CDH4: variants seen among roughly 807,000 people sequenced by gnomAD.
CDH4 encodes the protein cadherin-4.
A neutral mutation model predicts 86.0 loss-of-function variants in CDH4; 33 were observed. That is an observed-to-expected ratio of 0.38 (90% CI 0.29 to 0.51). The LOEUF (loss-of-function observed/expected upper bound fraction) is 0.51. Among genes scored for constraint, CDH4 ranks in the 20% least tolerant of loss-of-function variants. The pLI is 0.86. For synonymous variants in CDH4, 555 were observed against 549.4 expected (o/e 1.01, Z -0.14); for missense variants, 1,114 against 1,307.4 (o/e 0.85, Z 2.28).
At chr20:61,735,009 G>A (rs1430752305) in intron 2 of CDH4, among the ~76,000 whole-genome samples, 1 of 152,170 alleles carries the variant, frequency 6.6e-6, no homozygotes, top group South Asian at 2.1e-4. Flanking sequence ...CCTCCCTGTG[G>A]CCCCTCCCGG....
At chr20:61,525,131 A>G (rs2085900952) in intron 2 of CDH4, among the ~76,000 whole-genome samples, 1 of 152,176 alleles carries the variant, frequency 6.6e-6, no homozygotes, top group Non-Finnish European at 1.5e-5. Context: ...GCCAGGCATG[A>G]TTCCCGGGTT....
intron 2 of CDH4, among the ~76,000 whole-genome samples, chr20:61,405,376 G>T (rs2145484259): frequency 6.6e-6 from 1 of 152,086 alleles, no homozygotes; most frequent in East Asian, 1.9e-4. Flanking sequence ...TCACCATGGT[G>T]CTGATGTTTT....
At chr20:61,563,044 C>T (rs1213279796) in intron 2 of CDH4, among the ~76,000 whole-genome samples, 1 of 152,224 alleles carries the variant, frequency 6.6e-6, no homozygotes, top group African/African-American at 2.4e-5. Context: ...AGCAACCTCT[C>T]CTGACCTGTG....
chr20:61,571,343 G>A (rs1048772563), intron 2 of CDH4, among the ~76,000 whole-genome samples: 2 of 152,158 alleles, frequency 1.3e-5, no homozygotes, highest in African/African-American at 4.8e-5. Context: ...AGAAGGACTC[G>A]CCATGAGCCG....
In CDH4 at chr20:61,480,035, C is replaced by T. The variant is rs907568049; in HGVS notation, c.169+225098C>T. On this transcript the variant is annotated intron_variant, in intron 2 of 15. Coordinates refer to ENST00000614565, the MANE Select transcript of CDH4 (RefSeq NM_001794.5). This position sits in a 1 kb window ranked among gnomAD's most constrained non-coding sequence, Gnocchi z 5.2. The stretch of plus-strand genomic sequence containing the variant: ...AGTTTTCATCTATAGAAGTCTGATT[C>T]GGGACATCTTTTGTGTCTTGATCTG... Among the ~76,000 whole-genome samples the T allele has an allele frequency of 5.3e-5, 8 of 152,052 alleles. No homozygotes were observed. Among genetic ancestry groups the T allele is most frequent in the Middle Eastern group, 3.2e-3 (1 of 316 alleles).
chr20:61,381,268 T>C (rs1265262978), intron 2 of CDH4, among the ~76,000 whole-genome samples: 1 of 152,190 alleles, frequency 6.6e-6, no homozygotes, highest in Non-Finnish European at 1.5e-5. Context: ...TTGCTGCTTA[T>C]TTCTGTAGAT....
At chr20:61,486,608 A>G (rs779127423) in intron 2 of CDH4, among the ~76,000 whole-genome samples, 2 of 152,230 alleles carry the variant, frequency 1.3e-5, no homozygotes, top group Non-Finnish European at 2.9e-5. Flanking sequence ...TACAAATTTT[A>G]GGCCAGGTAC....
At chr20:61,820,890 A>G (rs967650487) in intron 4 of CDH4, among the ~76,000 whole-genome samples, 2 of 152,126 alleles carry the variant, frequency 1.3e-5, no homozygotes, top group Non-Finnish European at 2.9e-5. Flanking sequence ...CTGGGGAAAT[A>G]TGACATGCAG....
At chr20:61,552,048 A>T (rs1241521408) in intron 2 of CDH4, among the ~76,000 whole-genome samples, 2 of 152,250 alleles carry the variant, frequency 1.3e-5, no homozygotes, top group East Asian at 3.8e-4. Context: ...ACATAGGTGT[A>T]AGTCTTTGTG....
intron 2 of CDH4, among the ~76,000 whole-genome samples, chr20:61,697,293 C>T (rs377499670): frequency 5.9e-5 from 9 of 152,144 alleles, no homozygotes; most frequent in East Asian, 3.9e-4. Flanking sequence ...AAAAGAACAT[C>T]AGATGGCACA....
At chr20:61,692,811 G>T (rs2145874737) in intron 2 of CDH4, among the ~76,000 whole-genome samples, 1 of 151,944 alleles carries the variant, frequency 6.6e-6, no homozygotes, top group African/African-American at 2.4e-5. Context: ...TTTTCTACTA[G>T]CAAGCAAGCT....
chr20:61,607,878 C>T (rs550283327), intron 2 of CDH4, among the ~76,000 whole-genome samples: 1 of 152,312 alleles, frequency 6.6e-6, no homozygotes, highest in East Asian at 1.9e-4. Flanking sequence ...CAGTTTGGAA[C>T]CTGAGCCTGC....
chr20:61,936,714 A>G, intron 15 of CDH4, 23 bp from the exon 16 acceptor site: 1 of 1,508,110 alleles, frequency 6.6e-7, no homozygotes, highest in Non-Finnish European at 8.9e-7. Flanking sequence ...CCTGCACCCT[A>G]ACTCTGTGTC....
intron 2 of CDH4, among the ~76,000 whole-genome samples, chr20:61,514,239 CTT>C (rs1184895977): frequency 6.6e-6 from 1 of 151,978 alleles, no homozygotes; most frequent in African/African-American, 2.4e-5. Context: ...CTGGGTATGA[CTT>C]TCTTCAGACC....
intron 2 of CDH4, among the ~76,000 whole-genome samples, chr20:61,387,533 AAC>A (rs201801944): frequency 0.018 from 2,736 of 151,724 alleles, 68 homozygotes; most frequent in African/African-American, 0.064. Context: ...CACAAACAGA[AAC>A]ACACAGCCAC....
chr20:61,417,243 C>G lies in CDH4; in HGVS notation c.169+162306C>G, dbSNP rs2085152164. Among the ~76,000 whole-genome samples, 1 of 151,746 alleles carries G rather than the reference C, an allele frequency of 6.6e-6. No homozygotes were observed. The highest frequency in any genetic ancestry group is 2.1e-4 in the South Asian group (1 of 4,768). On this transcript the variant is annotated intron_variant, in intron 2 of 15. Coordinates refer to ENST00000614565, the MANE Select transcript of CDH4 (RefSeq NM_001794.5). This position sits in a 1 kb window ranked among gnomAD's most constrained non-coding sequence, Gnocchi z 4.0. The stretch of plus-strand genomic sequence containing the variant: ...CTCTCTTGGTCGTGCTCTCTCTTCC[C>G]CCTCCCTCTCACTCTTTTCTCCCAC...
chr20:61,495,406 G>GC (rs1254462153), intron 2 of CDH4, among the ~76,000 whole-genome samples: 6 of 152,098 alleles, frequency 3.9e-5, no homozygotes, highest in Admixed American at 6.5e-5. Context: ...CCCGCCGCCA[G>GC]CCCCCCGCTT....
chr20:61,690,619 G>A (rs767211570), intron 2 of CDH4, among the ~76,000 whole-genome samples: 19 of 152,238 alleles, frequency 1.2e-4, no homozygotes, highest in East Asian at 5.8e-4. Flanking sequence ...TGCTCTGAGC[G>A]TTGGACCTGA....
intron 7 of CDH4, among the ~76,000 whole-genome samples, chr20:61,891,965 A>AC (rs1984842672): frequency 6.6e-6 from 1 of 152,150 alleles, no homozygotes; most frequent in South Asian, 2.1e-4. Flanking sequence ...AGGTCAGCAA[A>AC]CGTCTTCTAT....
Sources: gnomAD v4.1 joint callset for allele counts (sites outside exome capture counted in the v4.1 genomes callset) on GRCh38, gnomAD v4.1.1 for gene constraint, Gnocchi (gnomAD v3.1) non-coding constraint, MANE v1.5 for transcripts, NCBI Gene and HGNC (gene_info 2026-07-23, HGNC 2026-07-21) for gene names.